NXPH2: variants seen among roughly 807,000 people sequenced by gnomAD.
NXPH2 encodes neurexophilin 2, also known as neurexophilin-2.
In NXPH2, 5 loss-of-function variants were observed where a neutral mutation model predicts 19.8. The observed-to-expected ratio is 0.25, with a 90% confidence interval of 0.13 to 0.53. The LOEUF is 0.53. NXPH2 is among the 20% of genes least tolerant of loss of function. The pLI is 0.96. For missense variants in NXPH2, 289 were observed against 322.8 expected, an observed-to-expected ratio of 0.90 and a Z score of 0.80; for synonymous variants, 154 against 127.4, an observed-to-expected ratio of 1.21 and a Z score of -1.41.
intron 1 of NXPH2, among the ~76,000 whole-genome samples, chr2:138,771,116 C>T (rs1460349106): frequency 6.6e-6 from 1 of 151,998 alleles, no homozygotes; most frequent in East Asian, 1.9e-4. Context: ...ATTGAACCAA[C>T]ATTTTCAATT....
intron 1 of NXPH2, among the ~76,000 whole-genome samples, chr2:138,729,951 T>C (rs1681421184): frequency 1.3e-5 from 2 of 152,326 alleles, no homozygotes; most frequent in South Asian, 4.1e-4. Context: ...CAGACATTTA[T>C]TGTCTCACAG....
rs1464968885 is a variant in NXPH2, at chr2:138,720,250, G to A, written c.52-48585C>T. ...CGTACTGATGGTATGAAGAACAAAA[G>A]CAATGACTGGGAGAGTCTTGTCTTC... On this transcript the variant is annotated intron_variant, in intron 1 of 1. Coordinates refer to ENST00000272641, the MANE Select transcript of NXPH2 (RefSeq NM_007226.3). Among the ~76,000 whole-genome samples the A allele has an allele frequency of 1.2e-4, 18 of 152,062 alleles. No individual in the cohort carries two copies. The South Asian group carries it at 2.5e-3, about 21-fold the overall frequency.
chr2:138,735,539 G>T (rs1301119066), intron 1 of NXPH2, among the ~76,000 whole-genome samples: 1 of 152,082 alleles, frequency 6.6e-6, no homozygotes, highest in Non-Finnish European at 1.5e-5. Context: ...CTCCCATTGG[G>T]TCTCTCCCAC....
intron 1 of NXPH2, among the ~76,000 whole-genome samples, chr2:138,756,608 A>T (rs954496810): frequency 6.6e-6 from 1 of 152,210 alleles, no homozygotes; most frequent in African/African-American, 2.4e-5. Flanking sequence ...TTATCAATCC[A>T]CAATAATAAT....
chr2:138,678,951 G>A (rs949196342), intron 1 of NXPH2, among the ~76,000 whole-genome samples: 1 of 152,164 alleles, frequency 6.6e-6, no homozygotes, highest in African/African-American at 2.4e-5. Context: ...GATTCTATAT[G>A]TAGTGCTCTG....
chr2:138,726,519 A>AACACACACACAC (rs57428467), intron 1 of NXPH2, among the ~76,000 whole-genome samples: 1 of 146,462 alleles, frequency 6.8e-6, no homozygotes, highest in African/African-American at 2.5e-5. Flanking sequence ...TAAAAAAAGA[A>AACACACACACAC]ACACACACAC....
chr2:138,690,529 A>G (rs984011295), intron 1 of NXPH2, among the ~76,000 whole-genome samples: 3 of 150,778 alleles, frequency 2.0e-5, no homozygotes, highest in African/African-American at 7.3e-5. Flanking sequence ...TGCACAATCC[A>G]CTCACTGCTA....
chr2:138,772,458 G>A (rs930878933), intron 1 of NXPH2, among the ~76,000 whole-genome samples: 2 of 152,056 alleles, frequency 1.3e-5, no homozygotes, highest in African/African-American at 4.8e-5. Flanking sequence ...CACCACGCCT[G>A]GCTAATTTTG....
Position 138,670,471 on chromosome 2 carries a change from T to C in NXPH2, c.*451A>G, listed in dbSNP as rs1237674608. On this transcript the variant is annotated 3_prime_UTR_variant, in exon 2 of 2. Coordinates refer to ENST00000272641, the MANE Select transcript of NXPH2 (RefSeq NM_007226.3). ...TAGAAATATAAAAAAAAGGGTCCAA[T>C]GTCAAAAACACAATTCATCTATCAA... 2.6e-5 allele frequency among the ~76,000 whole-genome samples: 4 copies of C among 152,228 alleles called. No homozygotes were observed. Among genetic ancestry groups the C allele is most frequent in the African/African-American group, 9.6e-5 (4 of 41,456 alleles).
chr2:138,772,963 A>C (rs753088725), intron 1 of NXPH2, among the ~76,000 whole-genome samples: 31 of 152,350 alleles, frequency 2.0e-4, no homozygotes, highest in Middle Eastern at 3.4e-3. Flanking sequence ...ATTAACCACG[A>C]AAGAATTTTG....
intron 1 of NXPH2, among the ~76,000 whole-genome samples, chr2:138,673,482 C>T (rs984176882): frequency 6.6e-6 from 1 of 152,114 alleles, no homozygotes; most frequent in Non-Finnish European, 1.5e-5. Flanking sequence ...GGGTATACAT[C>T]ATCTCGAATA....
At chr2:138,719,866 C>T (rs921829945) in intron 1 of NXPH2, among the ~76,000 whole-genome samples, 4 of 152,104 alleles carry the variant, frequency 2.6e-5, no homozygotes, top group African/African-American at 4.8e-5. Flanking sequence ...TACTTATATA[C>T]GTTTCTTGGT....
intron 1 of NXPH2, among the ~76,000 whole-genome samples, chr2:138,744,624 C>A (rs1681697077): frequency 6.6e-6 from 1 of 152,188 alleles, no homozygotes; most frequent in African/African-American, 2.4e-5. Context: ...ATGTCTCCCT[C>A]CTCCAGGTGC....
At chr2:138,711,723 G>A (rs967823554) in intron 1 of NXPH2, among the ~76,000 whole-genome samples, 3 of 152,104 alleles carry the variant, frequency 2.0e-5, no homozygotes, top group Non-Finnish European at 4.4e-5. Flanking sequence ...TAACAGACAT[G>A]TCCCCTCCAG....
rs75780348 is a variant in NXPH2 at position 138,682,153 on chromosome 2, A to C, written c.52-10488T>G. Among the ~76,000 whole-genome samples, 1,704 of 152,336 alleles carry C rather than the reference A, an allele frequency of 0.011. 116 individuals are homozygous for C. In the East Asian group the frequency reaches 0.2, roughly 18 times the overall value. ...CAGAAAGAACAACAGAAAAAAACCC[A>C]AAACCCTGTCATGATCAATTTTATC... On this transcript the variant is annotated intron_variant, in intron 1 of 1. Transcript: ENST00000272641.
chr2:138,672,081 T>C (rs1370554374), intron 1 of NXPH2, among the ~76,000 whole-genome samples: 1 of 152,200 alleles, frequency 6.6e-6, no homozygotes, highest in Non-Finnish European at 1.5e-5. Context: ...CTAAAAACTG[T>C]CAATGATATT....
intron 1 of NXPH2, among the ~76,000 whole-genome samples, chr2:138,763,356 A>C (rs1302772256): frequency 2.0e-5 from 3 of 152,308 alleles, no homozygotes; most frequent in African/African-American, 7.2e-5. Context: ...TAAACTTTAG[A>C]AATAATATTT....
chr2:138,688,953 A>G (rs1680705549), intron 1 of NXPH2, among the ~76,000 whole-genome samples: 1 of 152,276 alleles, frequency 6.6e-6, no homozygotes, highest in Admixed American at 6.5e-5. Flanking sequence ...TGTGTTTCCA[A>G]TGCCTTGGGC....
At chr2:138,718,057 A>G (rs1289790897) in intron 1 of NXPH2, among the ~76,000 whole-genome samples, 1 of 152,084 alleles carries the variant, frequency 6.6e-6, no homozygotes. Flanking sequence ...GGGTTCAGGA[A>G]GTTAAGTAGC....
Sources: gnomAD v4.1 joint callset for allele counts (sites outside exome capture counted in the v4.1 genomes callset) on GRCh38, gnomAD v4.1.1 for gene constraint, MANE v1.5 for transcripts, NCBI Gene and HGNC (gene_info 2026-07-23, HGNC 2026-07-21) for gene names.